Variants in ACER2 observed in about 807,000 individuals in gnomAD.
ACER2 encodes alkCDase 2.
In ACER2, 26 loss-of-function variants were observed where a neutral mutation model predicts 34.7. The ratio of observed to expected loss-of-function variants is 0.75; its 90% CI spans 0.55 to 1.04. The LOEUF is 1.04. Among genes scored for constraint, ACER2 ranks in the 50% least tolerant of loss-of-function variants. ACER2 has a pLI of 0.00. For synonymous variants in ACER2, 138 were observed against 132.1 expected (o/e 1.04, Z -0.31); for missense variants, 352 against 340.8 (o/e 1.03, Z -0.26).
chr9:19,434,557 G>GGTTAGGA (rs1161892895), intron 3 of ACER2, among the ~76,000 whole-genome samples: 1 of 152,244 alleles, frequency 6.6e-6, no homozygotes, highest in Non-Finnish European at 1.5e-5. Context: ...GATCACTCGC[G>GGTTAGGA]GTTAGGAGCT....
At chr9:19,429,380 G>A (rs1339103676) in intron 3 of ACER2, among the ~76,000 whole-genome samples, 1 of 152,088 alleles carries the variant, frequency 6.6e-6, no homozygotes, top group Non-Finnish European at 1.5e-5. Context: ...TGCCCAGGCT[G>A]GAGTGCAGTG....
chr9:19,438,992 T>C (rs1887488), intron 4 of ACER2, among the ~76,000 whole-genome samples: 5,863 of 152,254 alleles, frequency 0.039, 376 homozygotes, highest in African/African-American at 0.13. Flanking sequence ...GAAGAGCAAA[T>C]GGAGGACACA....
intron 1 of ACER2, among the ~76,000 whole-genome samples, chr9:19,416,912 A>T (rs1221326500): frequency 6.6e-6 from 1 of 152,188 alleles, no homozygotes; most frequent in South Asian, 2.1e-4. Flanking sequence ...TTCTTAAATG[A>T]TTCCACTGAA....
intron 1 of ACER2, among the ~76,000 whole-genome samples, chr9:19,409,514 G>T (rs570287546): frequency 9.9e-5 from 15 of 152,026 alleles, no homozygotes; most frequent in Non-Finnish European, 2.2e-4. Flanking sequence ...GGGTCAGCTG[G>T]GGGCGGTGAA....
intron 1 of ACER2, among the ~76,000 whole-genome samples, chr9:19,419,112 A>G (rs1830326697): frequency 6.6e-6 from 1 of 151,936 alleles, no homozygotes; most frequent in Admixed American, 6.6e-5. Flanking sequence ...AATTGCTTGA[A>G]CCCAGGAGGC....
chr9:19,442,719 A>C (rs759889901), intron 4 of ACER2, among the ~76,000 whole-genome samples: 2 of 152,340 alleles, frequency 1.3e-5, no homozygotes, highest in African/African-American at 2.4e-5. Flanking sequence ...CTAATTGTCT[A>C]TGTATTTGTT....
rs77373779 is a variant in ACER2 at position 19,447,978 on chromosome 9, T to C, written c.641+1560T>C. 1.6e-4 allele frequency among the ~76,000 whole-genome samples: 8 copies of C among 50,680 alleles called. No homozygotes were observed. The East Asian group carries it at 2.3e-3, about 14-fold the overall frequency. 33.2% of individuals were successfully genotyped at this position (50,680 alleles called of 152,430 possible). On this transcript the variant is annotated intron_variant, in intron 5 of 5. Transcript: ENST00000340967. The stretch of plus-strand genomic sequence containing the variant: ...TATATATGTCTACTTTTAAAAAAAA[T>C]AGCATCATTCTATACACGATGCAAA...
At chr9:19,442,888 G>A (rs537069196) in intron 4 of ACER2, among the ~76,000 whole-genome samples, 29 of 148,894 alleles carry the variant, frequency 1.9e-4, no homozygotes, top group African/African-American at 6.4e-4. Context: ...GCTGGAGTGC[G>A]GTGGCACTAT....
chr9:19,418,571 A>G (rs10114958), intron 1 of ACER2, among the ~76,000 whole-genome samples: 23,530 of 152,136 alleles, frequency 0.15, 1,866 homozygotes, highest in South Asian at 0.25. Flanking sequence ...GCTGGAAACC[A>G]TTATTCTCAG....
In ACER2 at chr9:19,440,759, A is replaced by G. The variant is rs1385658378; in HGVS notation, c.504-5522A>G. Among the ~76,000 whole-genome samples, 3 of 152,242 alleles carry G rather than the reference A, an allele frequency of 2.0e-5. No homozygotes were observed. The East Asian group carries it at 5.8e-4, about 29-fold the overall frequency. On this transcript the variant is annotated intron_variant, in intron 4 of 5. Coordinates refer to ENST00000340967, the MANE Select transcript of ACER2 (RefSeq NM_001010887.3). ...TTCTGTGGCTTTAATTCCTCTACATATGTGGATGACTCCTAAACTTACGTC... is the reference window on the plus strand; with the variant it reads ...TTCTGTGGCTTTAATTCCTCTACATGTGTGGATGACTCCTAAACTTACGTC...
chr9:19,418,084 A>G (rs533459483), intron 1 of ACER2, among the ~76,000 whole-genome samples: 1 of 152,380 alleles, frequency 6.6e-6, no homozygotes, highest in South Asian at 2.1e-4. Context: ...GTGGCCTACA[A>G]ACATATGAAA....
In ACER2 at chr9:19,409,038, G is replaced by T; in HGVS notation, c.-47G>T. ...CGTTTTGCCTCCGCAGCAGCTCTGG[G>T]CTCTTCTCAGCTGCGCGAGCAGCTG... On this transcript the variant is annotated 5_prime_UTR_variant, in exon 1 of 6. Coordinates refer to ENST00000340967, the MANE Select transcript of ACER2 (RefSeq NM_001010887.3). The T allele has an allele frequency of 2.7e-6, 4 of 1,494,994 alleles. No individual in the cohort carries two copies. The highest frequency in any genetic ancestry group is 2.7e-6 in the Non-Finnish European group (3 of 1,112,724). 92.6% of individuals were successfully genotyped at this position (1,494,994 alleles called of 1,614,324 possible).
At chr9:19,442,825 G>A (rs906085067) in intron 4 of ACER2, among the ~76,000 whole-genome samples, 2 of 150,348 alleles carry the variant, frequency 1.3e-5, no homozygotes, top group African/African-American at 5.0e-5. Flanking sequence ...GGAATTTGGT[G>A]CCCAATAAAT....
rs139771735 is a variant in ACER2 at position 19,444,502 on chromosome 9, C to T, written c.504-1779C>T. 6.8e-3 allele frequency among the ~76,000 whole-genome samples: 1,036 copies of T among 152,318 alleles called. 19 individuals are homozygous for T. Among genetic ancestry groups the T allele is most frequent in the African/African-American group, 0.024 (1,000 of 41,564 alleles). On this transcript the variant is annotated intron_variant, in intron 4 of 5. Coordinates refer to ENST00000340967, the MANE Select transcript of ACER2 (RefSeq NM_001010887.3). ...CTGGAATTACAGGCTTGAGCCACCG[C>T]GCCCGGCATAAAATCTCATAATGTT...
At chr9:19,424,949 G>T in intron 3 of ACER2, 108 bp downstream of exon 3, 1 of 1,361,716 alleles carries the variant, frequency 7.3e-7, no homozygotes. Flanking sequence ...CTAGTGATGA[G>T]CTTATCATAT....
chr9:19,424,713 C>T lies in ACER2; in HGVS notation c.237C>T (p.Val79=), dbSNP rs1366871232. ...AATTGATTCTAGGAATTGGATCCGT[C>T]TACTTCCATGCAACCCTTAGTTTCT... ...TLLVVVGIGS[V]YFHATLSFLG... is the part of the protein sequence containing the mutation. The change falls in exon 3 of 6, where the codon GTC becomes GTT. Residue 79 remains valine (V), a synonymous_variant. Coordinates refer to ENST00000340967, the MANE Select transcript of ACER2 (RefSeq NM_001010887.3). The T allele has an allele frequency of 1.2e-6, 2 of 1,613,804 alleles. No homozygotes were observed. The highest frequency in any genetic ancestry group is 1.1e-5 in the South Asian group (1 of 91,064).
At chr9:19,438,150 A>G (rs1831032022) in intron 4 of ACER2, among the ~76,000 whole-genome samples, 1 of 152,214 alleles carries the variant, frequency 6.6e-6, no homozygotes, top group South Asian at 2.1e-4. Context: ...TAGCCTGGAA[A>G]CTTTGGGCAT....
At chr9:19,410,696 T>A (rs577428554) in intron 1 of ACER2, among the ~76,000 whole-genome samples, 86 of 152,158 alleles carry the variant, frequency 5.7e-4, no homozygotes, top group African/African-American at 2.0e-3. Context: ...GGCAACAGGG[T>A]CTCAAAGAAA....
chr9:19,409,075 C>G lies in ACER2; in HGVS notation c.-10C>G, dbSNP rs201941464. The G allele has an allele frequency of 1.7e-5, 26 of 1,571,626 alleles. No individual in the cohort carries two copies. In the East Asian group the frequency reaches 5.8e-4, roughly 35 times the overall value. On this transcript the variant is annotated 5_prime_UTR_variant, in exon 1 of 6. Coordinates refer to ENST00000340967, the MANE Select transcript of ACER2 (RefSeq NM_001010887.3). ...TGCGCGAGCAGCTGCTCCAATGCCC[C>G]GGAGTGGCCATGGGCGCCCCGCACT...
Sources: allele counts gnomAD v4.1 joint callset (sites outside exome capture counted in the v4.1 genomes callset), GRCh38; gene constraint gnomAD v4.1.1; transcripts MANE v1.5; gene names NCBI Gene and HGNC (gene_info 2026-07-23, HGNC 2026-07-21).